MAP1A: variants seen among roughly 807,000 people sequenced by gnomAD.
MAP1A encodes microtubule-associated protein 1A.
In MAP1A, 42 loss-of-function variants were observed where a neutral mutation model predicts 185.9. The observed-to-expected ratio is 0.23, with a 90% CI of 0.18 to 0.29. MAP1A has a LOEUF of 0.29. Ranked by LOEUF, MAP1A falls within the 10% of genes least tolerant of loss-of-function variation. MAP1A has a pLI of 1.00. For synonymous variants in MAP1A, 1,229 were observed against 1,335.9 expected (o/e 0.92, Z 1.74); for missense variants, 2,995 against 3,450.4 (o/e 0.87, Z 3.31).
chr15:43,525,396 C>G lies in MAP1A; in HGVS notation c.3923C>G (p.Ala1308Gly). The change falls in exon 4 of 6, where the codon GCG becomes GGG. Residue 1308 changes from alanine (A) to glycine (G), a missense_variant. By Grantham distance (60) the Ala-to-Gly change is moderately conservative. Coordinates refer to ENST00000300231, the MANE Select transcript of MAP1A (RefSeq NM_002373.6). ...GGAAATGGGAAGTACTTACCTGGGG[C>G]GATCACAAGCCCTGATGAACACATT... Reference protein sequence around the residue: ...PSGNGKYLPGAITSPDEHILT... With the variant: ...PSGNGKYLPGGITSPDEHILT... The G allele has an allele frequency of 6.2e-7, 1 of 1,614,126 alleles. No individual in the cohort carries two copies. Among genetic ancestry groups the G allele is most frequent in the Non-Finnish European group, 8.5e-7 (1 of 1,180,040 alleles).
rs561219457 is a variant in MAP1A, at chr15:43,528,577, C to A, written c.7104C>A (p.Asn2368Lys). ...ATGGCCCAACTGAAACCAGCCCTAA[C>A]CCCCCAGGCCCTGCCCCAGCCAAGG... ...AANGPTETSP[N>K]PPGPAPAKAE... Residue 2368 changes from asparagine (N) to lysine (K), a missense_variant, in exon 4 of 6, where the codon AAC (asparagine) becomes AAA (lysine). By Grantham distance (94) the Asn-to-Lys change is moderately conservative. Around this residue, in one of 3 missense-constraint regions of MAP1A, gnomAD observed 2,728 missense variants for 2,986.0 expected, o/e 0.91. Transcript: ENST00000300231. The A allele has an allele frequency of 1.2e-6, 2 of 1,613,766 alleles. No individual in the cohort carries two copies. Among genetic ancestry groups the A allele is most frequent in the Admixed American group, 1.7e-5 (1 of 60,036 alleles).
chr15:43,514,108 A>ATTCT (rs2079290699), upstream of MAP1A, among the ~76,000 whole-genome samples: 1 of 152,226 alleles, frequency 6.6e-6, no homozygotes, highest in Non-Finnish European at 1.5e-5. Context: ...ACTTCTTAGA[A>ATTCT]ATGAGCATTG....
chr15:43,517,673 C>T lies in MAP1A; in HGVS notation c.-402C>T. 2.0e-6 allele frequency: 2 copies of T among 984,904 alleles called. No individual in the cohort carries two copies. The highest frequency in any genetic ancestry group is 2.4e-6 in the Non-Finnish European group (2 of 829,704). The allele number at this position is 984,904 out of a possible 1,614,324, so 61.0% of individuals were successfully genotyped here. A position where few individuals can be genotyped will look rare whatever the true frequency, so the allele number is the denominator to read the frequency against. ...CGGCTGAGGCCGGAGCTGCCGCCTCCATGAGAGGCTTCCTCCTACACCCCA... is the reference window on the plus strand; with the variant it reads ...CGGCTGAGGCCGGAGCTGCCGCCTCTATGAGAGGCTTCCTCCTACACCCCA... On this transcript the variant is annotated 5_prime_UTR_variant, in exon 1 of 6. Coordinates refer to ENST00000300231, the MANE Select transcript of MAP1A (RefSeq NM_002373.6).
At position 43,525,271 on chromosome 15, in the gene MAP1A, C is replaced by G. The variant is rs772489570; in HGVS notation, c.3798C>G (p.Pro1266=). 6 of 1,614,092 alleles carry G rather than the reference C, an allele frequency of 3.7e-6. No homozygotes were observed. The highest frequency in any genetic ancestry group is 2.2e-5 in the South Asian group (2 of 91,084). ...PEPHAATASP[P]TDGTTRYSAQ... is the part of the protein sequence containing the mutation. ...CCCATGCAGCCACAGCGTCACCTCC[C>G]ACAGATGGGACAACTCGATACTCTG... Residue 1266 remains proline, a synonymous_variant, in exon 4 of 6, where the codon CCC becomes CCG. Coordinates refer to ENST00000300231, the MANE Select transcript of MAP1A (RefSeq NM_002373.6).
At position 43,522,888 on chromosome 15, in the gene MAP1A, G is replaced by GT; in HGVS notation, c.1416dup (p.Lys473Ter). ...CTAAAGCCCTTTACTCCTGAGGTAC[G>GT]TAAGACCCTCTATAAAGCCAAGGTC... On this transcript the variant is annotated frameshift_variant, in exon 4 of 6. Coordinates refer to ENST00000300231, the MANE Select transcript of MAP1A (RefSeq NM_002373.6). LOFTEE classifies it high-confidence loss of function. This position sits in a 1 kb window ranked among gnomAD's most constrained non-coding sequence, Gnocchi z 5.9. The GT allele has an allele frequency of 6.2e-7, 1 of 1,611,650 alleles. No individual in the cohort carries two copies. The highest frequency in any genetic ancestry group is 8.5e-7 in the Non-Finnish European group (1 of 1,178,858).
At position 43,523,402 on chromosome 15, in the gene MAP1A, A is replaced by T. The variant is rs935266607; in HGVS notation, c.1929A>T (p.Glu643Asp). 6.2e-7 allele frequency: 1 copy of T among 1,613,024 alleles called. No individual in the cohort carries two copies. Among genetic ancestry groups the T allele is most frequent in the Admixed American group, 1.7e-5 (1 of 59,876 alleles). Residue 643 changes from glutamate (E) to aspartate (D), a missense_variant, in exon 4 of 6, where the codon GAA (glutamate) becomes GAT (aspartate). This residue lies in a region of MAP1A where 2,728 missense variants were observed against 2,986.0 expected (regional missense o/e 0.91). Coordinates refer to ENST00000300231, the MANE Select transcript of MAP1A (RefSeq NM_002373.6). The part of the protein sequence containing the change: ...RLPDRTEARE[E>D]SEPEVKEDVI... ...CAGACAGAACAGAAGCCAGAGAGGA[A>T]AGTGAACCTGAAGTAAAGGAGGATG... is the stretch of plus-strand genomic sequence containing the variant.
rs1354634898 is a variant in MAP1A at position 43,525,290 on chromosome 15, T to C, written c.3817T>C (p.Tyr1273His). ...ACCTCCCACAGATGGGACAACTCGATACTCTGCACAGACAGACATCACAGA... is the reference window on the plus strand; with the variant it reads ...ACCTCCCACAGATGGGACAACTCGACACTCTGCACAGACAGACATCACAGA... The part of the protein sequence containing the change: ...ASPPTDGTTR[Y>H]SAQTDITDDS... The change falls in exon 4 of 6, where the codon TAC becomes CAC. Residue 1273 changes from tyrosine to histidine, a missense_variant. Physicochemically the swap from Tyr to His is moderately conservative, Grantham distance 83. Transcript: ENST00000300231. 8 of 1,614,080 alleles carry C rather than the reference T, an allele frequency of 5.0e-6. No individual in the cohort carries two copies. The South Asian group carries it at 7.7e-5, about 16-fold the overall frequency.
In MAP1A at chr15:43,527,243, G is replaced by C. The variant is rs1176344419; in HGVS notation, c.5770G>C (p.Ala1924Pro). 3 of 1,613,976 alleles carry C rather than the reference G, an allele frequency of 1.9e-6. No individual in the cohort carries two copies. The East Asian group carries it at 6.7e-5, about 36-fold the overall frequency. Residue 1924 changes from alanine to proline, a missense_variant, in exon 4 of 6, where the codon GCT becomes CCT. Coordinates refer to ENST00000300231, the MANE Select transcript of MAP1A (RefSeq NM_002373.6). ...AAGGGAAGAAGAAGGTAGGGCTGAG[G>C]CTCCTGACAAAAGCTCACACAGCTC... is the stretch of plus-strand genomic sequence containing the variant. ...GEREEEGRAE[A>P]PDKSSHSSKV...
rs1388315134 is a variant in MAP1A at position 43,526,550 on chromosome 15, C to T, written c.5077C>T (p.Gln1693Ter). The T allele has an allele frequency of 6.2e-7, 1 of 1,614,190 alleles. No homozygotes were observed. The highest frequency in any genetic ancestry group is 1.1e-5 in the South Asian group (1 of 91,076). ...GGGCAGAGAGGATGTGGCCTTGGAA[C>T]AGGACACATACTGGAGGGAGCTAAG... ...WRGREDVALE[Q>*]DTYWRELSCE... The change falls in exon 4 of 6, where the codon CAG (glutamine) becomes TAG (stop). Residue 1693 changes from glutamine to a stop codon, truncating the protein, a stop_gained. Transcript: ENST00000300231. LOFTEE classifies it high-confidence loss of function. The surrounding 1 kb of genome is among the most constrained non-coding windows in gnomAD (Gnocchi z 4.7).
rs779810665 is a variant in MAP1A, at chr15:43,528,002, C to G, written c.6529C>G (p.Pro2177Ala). 5.0e-6 allele frequency: 8 copies of G among 1,613,952 alleles called. No individual in the cohort carries two copies. The highest frequency in any genetic ancestry group is 6.8e-6 in the Non-Finnish European group (8 of 1,180,010). The change falls in exon 4 of 6, where the codon CCC becomes GCC. Residue 2177 changes from proline to alanine, a missense_variant. Transcript: ENST00000300231. ...AFGFSSLQPAPPQLPSPAEPR... is the reference protein window; with the variant it reads ...AFGFSSLQPAAPQLPSPAEPR... The stretch of plus-strand genomic sequence containing the variant: ...TGGCTTCTCCTCATTGCAGCCAGCT[C>G]CCCCACAGCTGCCCTCTCCAGCTGA...
rs540521950 is a variant in MAP1A, at chr15:43,529,158, C to T, written c.7685C>T (p.Pro2562Leu). Residue 2562 changes from proline (P) to leucine (L), a missense_variant, in exon 4 of 6, where the codon CCT becomes CTT. Transcript: ENST00000300231. This position sits in a 1 kb window ranked among gnomAD's most constrained non-coding sequence, Gnocchi z 4.3. Reference protein sequence around the residue: ...HHPRPGHDPPPLPQPDPRPSP... With the variant: ...HHPRPGHDPPLLPQPDPRPSP... ...CCCAGGCCTGGCCATGACCCACCTC[C>T]TCTCCCACAGCCAGACCCCCGCCCA... is the stretch of plus-strand genomic sequence containing the variant. 1.2e-6 allele frequency: 2 copies of T among 1,613,086 alleles called. No homozygotes were observed. Among genetic ancestry groups the T allele is most frequent in the African/African-American group, 1.3e-5 (1 of 75,012 alleles).
chr15:43,529,479 GC>G lies in MAP1A; in HGVS notation c.8008del (p.Leu2670Ter). 6.2e-7 allele frequency: 1 copy of G among 1,610,614 alleles called. No individual in the cohort carries two copies. Among genetic ancestry groups the G allele is most frequent in the Non-Finnish European group, 8.5e-7 (1 of 1,177,710 alleles). On this transcript the variant is annotated frameshift_variant, in exon 4 of 6. Coordinates refer to ENST00000300231, the MANE Select transcript of MAP1A (RefSeq NM_002373.6). LOFTEE classifies it high-confidence loss of function. The surrounding 1 kb of genome is among the most constrained non-coding windows in gnomAD (Gnocchi z 4.3). Reference sequence around the variant, plus strand: ...GATGGACACAGCCCCATGTCCAAAGGCCTAGTCAATGGACTCAAGGCAGGAC... The same window carrying G: ...GATGGACACAGCCCCATGTCCAAAGGCTAGTCAATGGACTCAAGGCAGGAC... Reference protein sequence around the residue: ...EKDGHSPMSKGLVNGLKAGPM... With the variant: ...EKDGHSPMSKXLVNGLKAGPM...
chr15:43,514,529 C>G (rs1459379997), upstream of MAP1A, among the ~76,000 whole-genome samples: 3 of 152,222 alleles, frequency 2.0e-5, no homozygotes, highest in Non-Finnish European at 4.4e-5. Flanking sequence ...CACCTATCCT[C>G]AAGCCCTGGG....
chr15:43,528,945 C>T lies in MAP1A; in HGVS notation c.7472C>T (p.Pro2491Leu), dbSNP rs768078834. Residue 2491 changes from proline (P) to leucine (L), a missense_variant, in exon 4 of 6, where the codon CCA becomes CTA. Physicochemically the swap from Pro to Leu is moderately conservative, Grantham distance 98. Transcript: ENST00000300231. ...RVGGPGTTGG[P>L]CPVTDETPPT... The stretch of plus-strand genomic sequence containing the variant: ...GGGGGGCCAGGGACCACTGGGGGCC[C>T]ATGCCCTGTGACTGATGAGACACCC... 52 of 1,613,072 alleles carry T rather than the reference C, an allele frequency of 3.2e-5. No homozygotes were observed. The highest frequency in any genetic ancestry group is 3.7e-5 in the Non-Finnish European group (44 of 1,180,016).
In MAP1A at chr15:43,529,584, CAG is replaced by C. The variant is rs1382896071; in HGVS notation, c.8036-63_8036-62del. 17 of 1,603,910 alleles carry C rather than the reference CAG, an allele frequency of 1.1e-5. No homozygotes were observed. In the East Asian group the frequency reaches 3.1e-4, roughly 29 times the overall value. On this transcript the variant is annotated intron_variant, in intron 4 of 5. Coordinates refer to ENST00000300231, the MANE Select transcript of MAP1A (RefSeq NM_002373.6). This position sits in a 1 kb window ranked among gnomAD's most constrained non-coding sequence, Gnocchi z 4.3. Reference sequence around the variant, plus strand: ...GGCTGGTCAGACTTCAGGAGTGGGACAGAGGGGAAGGTTGCCAAAAGGGTTCT... The same window carrying C: ...GGCTGGTCAGACTTCAGGAGTGGGACAGGGGAAGGTTGCCAAAAGGGTTCT...
Position 43,527,989 on chromosome 15 carries a change from A to G in MAP1A, c.6516A>G (p.Ser2172=). The G allele has an allele frequency of 1.2e-6, 2 of 1,613,600 alleles. No homozygotes were observed. Among genetic ancestry groups the G allele is most frequent in the Non-Finnish European group, 1.7e-6 (2 of 1,179,914 alleles). Residue 2172 remains serine, a synonymous_variant, in exon 4 of 6, where the codon TCA becomes TCG. Transcript: ENST00000300231. ...DFPASAFGFS[S]LQPAPPQLPS... The stretch of plus-strand genomic sequence containing the variant: ...CTGCTTCAGCCTTTGGCTTCTCCTC[A>G]TTGCAGCCAGCTCCCCCACAGCTGC...
chr15:43,518,710 C>CT (rs60959133), intron 1 of MAP1A, among the ~76,000 whole-genome samples: 2,369 of 132,542 alleles, frequency 0.018, 150 homozygotes, highest in African/African-American at 0.071. Context: ...CGCAGCCCAC[C>CT]CCCCCCCGCA....
Position 43,524,251 on chromosome 15 carries a change from G to A in MAP1A, c.2778G>A (p.Glu926=), listed in dbSNP as rs746313743. 1.9e-6 allele frequency: 3 copies of A among 1,614,230 alleles called. No homozygotes were observed. The highest frequency in any genetic ancestry group is 1.7e-5 in the Admixed American group (1 of 60,028). ...SVTGESEKRG[E]IIGKGLSGER... ...CTGGGGAGTCAGAGAAGAGAGGAGA[G>A]ATCATAGGGAAAGGCTTGTCTGGAG... The change falls in exon 4 of 6, where the codon GAG becomes GAA. Residue 926 remains glutamate, a synonymous_variant. Coordinates refer to ENST00000300231, the MANE Select transcript of MAP1A (RefSeq NM_002373.6).
In MAP1A at chr15:43,521,406, AC is replaced by A. The variant is rs2079318666; in HGVS notation, c.-66del. 8 of 1,613,898 alleles carry A rather than the reference AC, an allele frequency of 5.0e-6. No individual in the cohort carries two copies. In the South Asian group the frequency reaches 8.8e-5, roughly 18 times the overall value. On this transcript the variant is annotated 5_prime_UTR_variant, in exon 4 of 6. Coordinates refer to ENST00000300231, the MANE Select transcript of MAP1A (RefSeq NM_002373.6). The surrounding 1 kb of genome is among the most constrained non-coding windows in gnomAD (Gnocchi z 4.6). ...TGCTTAGGGGAAGGTGATTGGAGCC[AC>A]CTGGGATTATCCAGTTCCCAAGAGA...
Sources: allele counts gnomAD v4.1 joint callset (sites outside exome capture counted in the v4.1 genomes callset), GRCh38; gene constraint gnomAD v4.1.1; regional missense constraint gnomAD v4.1.1; non-coding constraint Gnocchi (gnomAD v3.1); transcripts MANE v1.5; gene names NCBI Gene and HGNC (gene_info 2026-07-23, HGNC 2026-07-21).